BACE1: variants seen among roughly 807,000 people sequenced by gnomAD.
The protein encoded by BACE1 is APP beta-secretase.
Under a neutral mutation model 54.0 loss-of-function variants are expected in BACE1, and 21 were observed. The ratio of observed to expected loss-of-function variants is 0.39; its 90% CI spans 0.28 to 0.56. BACE1 has a LOEUF of 0.56. Among genes scored for constraint, BACE1 ranks in the 20% least tolerant of loss-of-function variants. The pLI, the probability that BACE1 is intolerant of heterozygous loss-of-function variation, is 0.63. For synonymous variants in BACE1, 232 were observed against 260.9 expected (o/e 0.89, Z 1.07); for missense variants, 511 against 661.2 (o/e 0.77, Z 2.49).
At chr11:117,307,799 TGCTCCAGCAAGG>T (rs1246183729) in intron 1 of BACE1, among the ~76,000 whole-genome samples, 1 of 152,050 alleles carries the variant, frequency 6.6e-6, no homozygotes, top group Non-Finnish European at 1.5e-5. Context: ...ACAGGATGAG[TGCTCCAGCAAGG>T]GCTTGTGTGC....
At chr11:117,307,115 A>C (rs1043418700) in intron 1 of BACE1, among the ~76,000 whole-genome samples, 1 of 152,120 alleles carries the variant, frequency 6.6e-6, no homozygotes, top group African/African-American at 2.4e-5. Flanking sequence ...TATAGTACCC[A>C]AGGCTGCGGT....
chr11:117,314,059 C>T (rs1464202676), intron 1 of BACE1, among the ~76,000 whole-genome samples: 1 of 152,214 alleles, frequency 6.6e-6, no homozygotes, highest in Admixed American at 6.5e-5. Context: ...CGTGGACTGT[C>T]TGACCTCAAA....
At chr11:117,297,524 G>A (rs2134464629) in intron 1 of BACE1, among the ~76,000 whole-genome samples, 1 of 152,322 alleles carries the variant, frequency 6.6e-6, no homozygotes, top group Non-Finnish European at 1.5e-5. Context: ...GGAGGCTGAG[G>A]CATGAGACTC....
In BACE1 at chr11:117,315,694, C is replaced by G. The variant is rs769120304; in HGVS notation, c.102G>C (p.Leu34=). 6.6e-7 allele frequency: 1 copy of G among 1,513,192 alleles called. No individual in the cohort carries two copies. Among genetic ancestry groups the G allele is most frequent in the Non-Finnish European group, 8.8e-7 (1 of 1,132,840 alleles). 93.7% of individuals were successfully genotyped at this position (1,513,192 alleles called of 1,614,324 possible). ...GCCGCAGCCCCAGGGGGGCGCCCCC[C>G]AGGCCGCTGCGCAGGGGCAGCCGGA... The part of the protein sequence containing the change: ...HGIRLPLRSG[L]GGAPLGLRLP... Residue 34 remains leucine, a synonymous_variant, in exon 1 of 9, where the codon CTG becomes CTC. Transcript: ENST00000313005. The surrounding 1 kb of genome is among the most constrained non-coding windows in gnomAD (Gnocchi z 5.5).
rs549334353 is a variant in BACE1 at position 117,305,457 on chromosome 11, A to G, written c.262-8496T>C. Among the ~76,000 whole-genome samples the G allele has an allele frequency of 6.6e-5, 10 of 152,024 alleles. No individual in the cohort carries two copies. The South Asian group carries it at 1.9e-3, about 28-fold the overall frequency. ...TTCCCAGCTAGTTCCTCTGCCTTCC[A>G]CTTGCCTCTCCTGGCTGTAGCTGGC... On this transcript the variant is annotated intron_variant, in intron 1 of 8. Transcript: ENST00000313005.
intron 5 of BACE1, 165 bp downstream of exon 5, chr11:117,292,889 C>G (rs2034485664): frequency 1.3e-6 from 1 of 768,118 alleles, no homozygotes; most frequent in Non-Finnish European, 2.0e-6. Flanking sequence ...ACCGCAGATC[C>G]TGCTGTGTGA....
intron 1 of BACE1, among the ~76,000 whole-genome samples, chr11:117,308,798 A>G (rs1184180994): frequency 6.6e-6 from 1 of 151,734 alleles, no homozygotes; most frequent in African/African-American, 2.4e-5. Context: ...AAAAATACCA[A>G]AAAAAATAGC....
chr11:117,306,850 T>C (rs1243832386), intron 1 of BACE1, among the ~76,000 whole-genome samples: 1 of 151,756 alleles, frequency 6.6e-6, no homozygotes, highest in Non-Finnish European at 1.5e-5. Flanking sequence ...TGAGATTCAC[T>C]GACCTTGAAA....
intron 2 of BACE1, chr11:117,295,689 C>G (rs1033821305): frequency 2.7e-6 from 4 of 1,499,240 alleles, no homozygotes; most frequent in Non-Finnish European, 3.6e-6. Context: ...CTTCCGCCCT[C>G]TGGCTCCGTC....
Position 117,294,006 on chromosome 11 carries a change from A to G in BACE1, c.570T>C (p.Pro190=), listed in dbSNP as rs1253054150. ...LGLAYAEIAR[P]DDSLEPFFDS... ...CAAAGAAAGGCTCCAGGGAGTCGTC[A>G]GGCTTTGGCAGAAAGAGACAAGGAG... The change falls in exon 4 of 9, where the codon CCT becomes CCC. Residue 190 remains proline, a splice_region_variant and synonymous_variant. Coordinates refer to ENST00000313005, the MANE Select transcript of BACE1 (RefSeq NM_012104.6). The G allele has an allele frequency of 3.7e-6, 6 of 1,613,366 alleles. No homozygotes were observed. The highest frequency in any genetic ancestry group is 1.7e-5 in the Admixed American group (1 of 59,940).
chr11:117,302,725 A>C (rs1263604096), intron 1 of BACE1, among the ~76,000 whole-genome samples: 5 of 152,180 alleles, frequency 3.3e-5, no homozygotes, highest in Admixed American at 3.3e-4. Flanking sequence ...TCTATTAAAA[A>C]CACGAAAAAA....
At chr11:117,300,932 C>A (rs1381453464) in intron 1 of BACE1, among the ~76,000 whole-genome samples, 1 of 152,178 alleles carries the variant, frequency 6.6e-6, no homozygotes, top group Admixed American at 6.5e-5. Context: ...CTCTCCTCTC[C>A]CTTCACAACC....
At chr11:117,294,084 A>G (rs1455683272) in intron 3 of BACE1, 76 bp from the exon 4 acceptor site, 2 of 1,525,642 alleles carry the variant, frequency 1.3e-6, no homozygotes, top group African/African-American at 2.8e-5. Context: ...CTAAACTGGA[A>G]GGCAAATTTG....
intron 1 of BACE1, among the ~76,000 whole-genome samples, chr11:117,300,357 C>T (rs2034696764): frequency 6.6e-6 from 1 of 152,246 alleles, no homozygotes; most frequent in Admixed American, 6.5e-5. Context: ...GGTGTGCTCC[C>T]GCCCGAGAGA....
intron 2 of BACE1, 101 bp downstream of exon 2, chr11:117,296,772 A>C: frequency 1.1e-6 from 1 of 951,758 alleles, no homozygotes; most frequent in Non-Finnish European, 1.6e-6. Flanking sequence ...GCAAGAAGAA[A>C]ATCTGAGGAT....
chr11:117,309,001 C>T (rs2034891562), intron 1 of BACE1, among the ~76,000 whole-genome samples: 1 of 152,080 alleles, frequency 6.6e-6, no homozygotes. Flanking sequence ...AAAGCTTTCC[C>T]CTGTTGCTTT....
intron 1 of BACE1, among the ~76,000 whole-genome samples, chr11:117,300,485 G>T (rs543027579): frequency 1.3e-5 from 2 of 152,170 alleles, no homozygotes; most frequent in East Asian, 3.8e-4. Context: ...TTAACAGGAC[G>T]GGCCCGAGGC....
chr11:117,295,743 G>T, intron 2 of BACE1: 1 of 1,437,694 alleles, frequency 7.0e-7, no homozygotes, highest in Non-Finnish European at 9.2e-7. Context: ...TACTGCCTTG[G>T]AACCTAGTGG....
chr11:117,295,499 A>C, intron 2 of BACE1, 152 bp from the exon 3 acceptor site: 1 of 1,536,506 alleles, frequency 6.5e-7, no homozygotes. Context: ...TAGACTCACC[A>C]CCCAGAACAG....
Sources: gnomAD v4.1 joint callset for allele counts (sites outside exome capture counted in the v4.1 genomes callset) on GRCh38, gnomAD v4.1.1 for gene constraint, Gnocchi (gnomAD v3.1) non-coding constraint, MANE v1.5 for transcripts, NCBI Gene and HGNC (gene_info 2026-07-23, HGNC 2026-07-21) for gene names.